Variants in EPB41L1 observed in about 807,000 individuals in gnomAD.
EPB41L1 encodes erythrocyte membrane protein band 4.1 like 1, also known as band 4.1-like protein 1.
EPB41L1 carries 29 observed loss-of-function variants against 97.8 expected under a neutral mutation model. That is an observed-to-expected ratio of 0.30 (90% CI 0.22 to 0.40). The LOEUF (loss-of-function observed/expected upper bound fraction) is 0.40, where lower values mean the gene tolerates loss of function less well. EPB41L1 is among the 10% of genes least tolerant of loss of function. The pLI is 1.00. For missense variants in EPB41L1, 812 were observed against 1,162.3 expected, an observed-to-expected ratio of 0.70 and a Z score of 4.38; for synonymous variants, 383 against 459.2, an observed-to-expected ratio of 0.83 and a Z score of 2.12.
intron 21 of EPB41L1, among the ~76,000 whole-genome samples, chr20:36,226,437 AAATGAGGAAACTGAGGGTC>A (rs1357451392): frequency 6.6e-6 from 1 of 152,188 alleles, no homozygotes; most frequent in African/African-American, 2.4e-5. Flanking sequence ...TTCATTTTAC[AAATGAGGAAACTGAGGGTC>A]AGAGATGTTA....
chr20:36,149,371 A>G (rs2059957501), intron 2 of EPB41L1, among the ~76,000 whole-genome samples: 1 of 152,198 alleles, frequency 6.6e-6, no homozygotes, highest in Non-Finnish European at 1.5e-5. Context: ...TCATCATTCC[A>G]CACTAGAATA....
chr20:36,176,795 CT>C (rs1246808111), intron 3 of EPB41L1, among the ~76,000 whole-genome samples: 3 of 151,876 alleles, frequency 2.0e-5, no homozygotes, highest in Non-Finnish European at 4.4e-5. Context: ...CCACACCCGG[CT>C]AATTTTTGTA....
chr20:36,200,462 C>G (rs1469471214), intron 14 of EPB41L1, among the ~76,000 whole-genome samples: 1 of 152,168 alleles, frequency 6.6e-6, no homozygotes, highest in East Asian at 1.9e-4. Context: ...CTAACTGTTC[C>G]CATTTGCCAA....
chr20:36,228,807 C>T (rs1601144429), intron 21 of EPB41L1, among the ~76,000 whole-genome samples: 1 of 151,848 alleles, frequency 6.6e-6, no homozygotes, highest in Middle Eastern at 3.4e-3. Flanking sequence ...AAAGGAAAAC[C>T]AAATGAAAAA....
At position 36,207,551 on chromosome 20, in the gene EPB41L1, G is replaced by T; in HGVS notation, c.1669-1937G>T. On this transcript the variant is annotated intron_variant, in intron 14 of 21. Transcript: ENST00000338074. The surrounding 1 kb of genome is among the most constrained non-coding windows in gnomAD (Gnocchi z 4.9). ...GACGTATCTTCAGAGGCACCCGTGG[G>T]ACAAGCAGAGCAGCAGCGGAGTACG... 1 of 1,289,916 alleles carries T rather than the reference G, an allele frequency of 7.8e-7. No individual in the cohort carries two copies. The highest frequency in any genetic ancestry group is 1.0e-6 in the Non-Finnish European group (1 of 988,884). The allele number at this position is 1,289,916 out of a possible 1,614,324, so 79.9% of individuals were successfully genotyped here.
chr20:36,119,659 G>A (rs370803479), intron 2 of EPB41L1, among the ~76,000 whole-genome samples: 2 of 150,280 alleles, frequency 1.3e-5, no homozygotes, highest in African/African-American at 4.9e-5. Context: ...GGGGAGGGGA[G>A]GGGAGAGGAG....
chr20:36,229,549 TGCTGGG>T lies in EPB41L1; in HGVS notation c.*215_*220del, dbSNP rs1361855571. On this transcript the variant is annotated 3_prime_UTR_variant, in exon 22 of 22. Transcript: ENST00000338074. ...AGGAAACACCGCATCCTTGCACTGC[TGCTGGG>T]GCTGGCAGAGCAGTTGGCTGACAGC... 2.2e-6 allele frequency: 1 copy of T among 451,646 alleles called. No individual in the cohort carries two copies. The highest frequency in any genetic ancestry group is 3.3e-5 in the East Asian group (1 of 30,370). 28.0% of individuals were successfully genotyped at this position (451,646 alleles called of 1,614,324 possible).
At position 36,145,831 on chromosome 20, in the gene EPB41L1, T is replaced by C. The variant is rs2145378260; in HGVS notation, c.-9-29720T>C. Among the ~76,000 whole-genome samples the C allele has an allele frequency of 1.3e-5, 2 of 152,356 alleles. 1 individual carries two copies. The highest frequency in any genetic ancestry group is 4.1e-4 in the South Asian group (2 of 4,832). On this transcript the variant is annotated intron_variant, in intron 2 of 19. Coordinates refer to the EPB41L1 transcript ENST00000202028. ...CCAGTTGCTAGACAGTGCAGTGCAC[T>C]TGGTTTGTCATTCAAGGCTCTGCTT...
chr20:36,187,845 G>GGCACA, intron 8 of EPB41L1, 82 bp downstream of exon 8: 2 of 1,218,254 alleles, frequency 1.6e-6, no homozygotes, highest in Non-Finnish European at 2.4e-6. Flanking sequence ...GGCGTGGTGT[G>GGCACA]CCAGACCCTG....
chr20:36,120,676 G>C (rs545224974), intron 2 of EPB41L1, among the ~76,000 whole-genome samples: 4 of 152,200 alleles, frequency 2.6e-5, no homozygotes, highest in Admixed American at 6.5e-5. Flanking sequence ...GCCTCCAGCT[G>C]CTCCTCCACT....
intron 2 of EPB41L1, among the ~76,000 whole-genome samples, chr20:36,139,740 A>ATTTATTTATTTTTTTT (rs943742073): frequency 8.6e-4 from 130 of 151,762 alleles, no homozygotes; most frequent in African/African-American, 3.1e-3. Flanking sequence ...TTATTTATTT[A>ATTTATTTATTTTTTTT]TTTTTTTTAA....
intron 6 of EPB41L1, 117 bp downstream of exon 6, chr20:36,182,464 G>T: frequency 8.9e-7 from 1 of 1,118,408 alleles, no homozygotes; most frequent in East Asian, 2.4e-5. Flanking sequence ...GTCGCCTACC[G>T]AGGTCAGGCA....
At chr20:36,201,347 AGGGGT>A (rs1293049817) in intron 14 of EPB41L1, among the ~76,000 whole-genome samples, 1 of 152,022 alleles carries the variant, frequency 6.6e-6, no homozygotes, top group Non-Finnish European at 1.5e-5. Context: ...GCTTAGGGTC[AGGGGT>A]CATGCTAGAG....
chr20:36,115,017 T>C (rs1315635717), intron 2 of EPB41L1, among the ~76,000 whole-genome samples: 1 of 152,208 alleles, frequency 6.6e-6, no homozygotes, highest in Non-Finnish European at 1.5e-5. Flanking sequence ...TCTTCAGTTA[T>C]AGTAATGCAA....
At chr20:36,154,120 C>CA (rs1258276720), upstream of EPB41L1, among the ~76,000 whole-genome samples, 1 of 152,154 alleles carries the variant, frequency 6.6e-6, no homozygotes, top group Non-Finnish European at 1.5e-5. This position sits in a 1 kb window ranked among gnomAD's most constrained non-coding sequence, Gnocchi z 5.5. Context: ...TGGACACACT[C>CA]AGAGGCACAG....
intron 21 of EPB41L1, among the ~76,000 whole-genome samples, chr20:36,225,808 G>A: frequency 6.6e-6 from 1 of 152,058 alleles, no homozygotes; most frequent in East Asian, 1.9e-4. Flanking sequence ...TAGCCATTCA[G>A]AGCCCTCATC....
chr20:36,141,923 C>A (rs2059653356), intron 2 of EPB41L1, among the ~76,000 whole-genome samples: 1 of 151,986 alleles, frequency 6.6e-6, no homozygotes, highest in East Asian at 1.9e-4. Flanking sequence ...GCCTGGCCAA[C>A]ATGGTGAAAC....
chr20:36,222,247 G>T (rs762228138), intron 20 of EPB41L1, 31 bp from the exon 21 acceptor site: 2 of 1,564,530 alleles, frequency 1.3e-6, no homozygotes, highest in Non-Finnish European at 8.8e-7. Flanking sequence ...GATAGTTCAT[G>T]GTTCCTTCCT....
intron 21 of EPB41L1, among the ~76,000 whole-genome samples, chr20:36,225,509 T>C (rs1390449287): frequency 2.0e-5 from 3 of 152,178 alleles, no homozygotes; most frequent in Non-Finnish European, 2.9e-5. Context: ...TATAGTAGCA[T>C]TGATGCAAAG....
Sources: allele counts gnomAD v4.1 joint callset (sites outside exome capture counted in the v4.1 genomes callset), GRCh38; gene constraint gnomAD v4.1.1; non-coding constraint Gnocchi (gnomAD v3.1); transcripts MANE v1.5; gene names NCBI Gene and HGNC (gene_info 2026-07-23, HGNC 2026-07-21).